The following ATOSA variants were observed in gnomAD, a reference collection of about 807,000 sequenced individuals.
ATOSA encodes the protein atos homolog A.
the ATOSA span, among the ~76,000 whole-genome samples, chr15:52,687,703 G>T: frequency 6.6e-6 from 1 of 152,202 alleles, no homozygotes; most frequent in African/African-American, 2.4e-5. Flanking sequence ...TTAAACATAA[G>T]CAATAGGTAC....
chr15:52,638,176 G>C, the ATOSA span, among the ~76,000 whole-genome samples: 10 of 152,124 alleles, frequency 6.6e-5, no homozygotes, highest in African/African-American at 2.4e-4. Flanking sequence ...ATCTCTCAAG[G>C]AAATATTTTT....
At chr15:52,594,260 T>C in the ATOSA span, among the ~76,000 whole-genome samples, 2 of 152,166 alleles carry the variant, frequency 1.3e-5, no homozygotes, top group Non-Finnish European at 2.9e-5. Context: ...ATGTGATATG[T>C]TTTAGTTTAA....
chr15:52,707,779 A>G, the ATOSA span, among the ~76,000 whole-genome samples: 1 of 152,234 alleles, frequency 6.6e-6, no homozygotes, highest in East Asian at 1.9e-4. Context: ...CAAATCGTGG[A>G]AAAGGGGAGA....
the ATOSA span, among the ~76,000 whole-genome samples, chr15:52,654,181 AAG>A: frequency 6.6e-6 from 1 of 152,184 alleles, no homozygotes. Flanking sequence ...GTCATATAAA[AAG>A]AGAATTTACA....
chr15:52,652,485 C>T, the ATOSA span, among the ~76,000 whole-genome samples: 2 of 152,072 alleles, frequency 1.3e-5, no homozygotes, highest in Non-Finnish European at 2.9e-5. Context: ...GCATTGTCAA[C>T]CTTCATATAC....
chr15:52,627,455 C>T, the ATOSA span, among the ~76,000 whole-genome samples: 1 of 152,096 alleles, frequency 6.6e-6, no homozygotes, highest in African/African-American at 2.4e-5. Flanking sequence ...TGACACATAG[C>T]AAGTACTCAA....
the ATOSA span, among the ~76,000 whole-genome samples, chr15:52,694,135 T>C: frequency 6.7e-6 from 1 of 150,020 alleles, no homozygotes; most frequent in Non-Finnish European, 1.5e-5. Flanking sequence ...TGTGTGTGTG[T>C]GCGTGTGTGT....
At chr15:52,617,832 A>T in the ATOSA span, among the ~76,000 whole-genome samples, 1 of 150,240 alleles carries the variant, frequency 6.7e-6, no homozygotes, top group Non-Finnish European at 1.5e-5. Flanking sequence ...ATAATAAAAG[A>T]TGTAAAATTA....
chr15:52,678,053 GA>G, the ATOSA span: 1 of 1,613,840 alleles, frequency 6.2e-7, no homozygotes, highest in African/African-American at 1.3e-5. Flanking sequence ...AGAGTGCTGT[GA>G]AATGCACCTG....
At chr15:52,642,483 A>G in the ATOSA span, among the ~76,000 whole-genome samples, 1 of 152,232 alleles carries the variant, frequency 6.6e-6, no homozygotes, top group African/African-American at 2.4e-5. Context: ...AAATTACAAA[A>G]TACTAGAATC....
At chr15:52,606,307 A>C in the ATOSA span, among the ~76,000 whole-genome samples, 1 of 152,154 alleles carries the variant, frequency 6.6e-6, no homozygotes, top group Non-Finnish European at 1.5e-5. Flanking sequence ...AAACAGGCTA[A>C]TTCTTAAGGA....
chr15:52,596,880 A>G, the ATOSA span, among the ~76,000 whole-genome samples: 1 of 152,268 alleles, frequency 6.6e-6, no homozygotes, highest in South Asian at 2.1e-4. Flanking sequence ...ACAAAAATGT[A>G]CAGCCAAACT....
At chr15:52,620,187 T>C in the ATOSA span, among the ~76,000 whole-genome samples, 619 of 152,302 alleles carry the variant, frequency 4.1e-3, 5 homozygotes, top group African/African-American at 0.014. Flanking sequence ...GTAGACAAAA[T>C]AGACTAAGAA....
the ATOSA span, among the ~76,000 whole-genome samples, chr15:52,653,496 T>C: frequency 8.5e-5 from 13 of 152,118 alleles, no homozygotes; most frequent in African/African-American, 2.9e-4. Flanking sequence ...TAACAAGACG[T>C]GCTTGGAAAC....
At chr15:52,701,695 A>G in the ATOSA span, among the ~76,000 whole-genome samples, 1 of 152,224 alleles carries the variant, frequency 6.6e-6, no homozygotes, top group Non-Finnish European at 1.5e-5. Context: ...TTCAGATACT[A>G]TTAAGAACAA....
chr15:52,638,302 T>C, the ATOSA span, among the ~76,000 whole-genome samples: 83,927 of 152,118 alleles, frequency 0.55, 27,308 homozygotes, highest in Non-Finnish European at 0.73. Flanking sequence ...GAAACATCTA[T>C]ATATTTAAAA....
the ATOSA span, chr15:52,611,892 C>T: frequency 1.1e-6 from 1 of 929,044 alleles, no homozygotes. Context: ...TCAGCTATTG[C>T]AGAGCTTTGC....
chr15:52,705,667 A>T, the ATOSA span, among the ~76,000 whole-genome samples: 85,449 of 151,892 alleles, frequency 0.56, 24,385 homozygotes, highest in East Asian at 0.79. Context: ...TATATACACA[A>T]GTAATCACCA....
the ATOSA span, among the ~76,000 whole-genome samples, chr15:52,584,282 C>T: frequency 2.0e-5 from 3 of 151,252 alleles, no homozygotes; most frequent in Non-Finnish European, 2.9e-5. Flanking sequence ...GCTGGGATTA[C>T]AGGCTCCCAC....
Sources: gnomAD v4.1 joint callset for allele counts (sites outside exome capture counted in the v4.1 genomes callset) on GRCh38, gnomAD v4.1.1 for gene constraint, MANE v1.5 for transcripts, NCBI Gene and HGNC (gene_info 2026-07-23, HGNC 2026-07-21) for gene names.